The following NAV1 variants were observed in gnomAD, a reference collection of about 807,000 sequenced individuals.
NAV1 encodes neuron navigator 1, also known as pore membrane and/or filament interacting like protein 3.
Under a neutral mutation model 175.2 loss-of-function variants are expected in NAV1, and 18 were observed. The ratio of observed to expected loss-of-function variants is 0.10; its 90% CI spans 0.07 to 0.15. The LOEUF (loss-of-function observed/expected upper bound fraction) is 0.15. NAV1 is among the 10% of genes least tolerant of loss of function. The probability of loss-of-function intolerance (pLI) is 1.00; values close to 1 mark genes in which losing one functional copy is unlikely to be tolerated. For synonymous variants in NAV1, 897 were observed against 978.7 expected (o/e 0.92, Z 1.56); for missense variants, 1,731 against 2,436.6 (o/e 0.71, Z 6.10).
At chr1:201,756,119 A>AG (rs1403131834) in intron 3 of NAV1, among the ~76,000 whole-genome samples, 1 of 151,652 alleles carries the variant, frequency 6.6e-6, no homozygotes, top group East Asian at 1.9e-4. Context: ...AAAAAAAAAA[A>AG]AAAAAAAGTG....
At chr1:201,668,863 C>CA (rs1305474826) in intron 1 of NAV1, among the ~76,000 whole-genome samples, 1 of 152,186 alleles carries the variant, frequency 6.6e-6, no homozygotes, top group Non-Finnish European at 1.5e-5. Flanking sequence ...GCGTTGGGGT[C>CA]ACTCCTGCAG....
chr1:201,660,246 T>C (rs938375879), intron 1 of NAV1, among the ~76,000 whole-genome samples: 1 of 152,140 alleles, frequency 6.6e-6, no homozygotes, highest in African/African-American at 2.4e-5. Context: ...ACTGCCACAG[T>C]GGATGGCAGC....
chr1:201,808,495 C>G lies in NAV1; in HGVS notation c.3923C>G (p.Ser1308Trp). The G allele has an allele frequency of 6.2e-7, 1 of 1,614,228 alleles. No individual in the cohort carries two copies. The highest frequency in any genetic ancestry group is 8.5e-7 in the Non-Finnish European group (1 of 1,180,044). ...GAGGAGCCAGAGAAGAAGGAGGTAT[C>G]GGAGCTGCGCTCTGAGCTATGGGAG... Residue 1308 changes from serine (S) to tryptophan (W), a missense_variant, in exon 19 of 30, where the codon TCG becomes TGG. Ser to Trp is a radical substitution (Grantham distance 177). Transcript: ENST00000367296. This position sits in a 1 kb window ranked among gnomAD's most constrained non-coding sequence, Gnocchi z 5.5.
intron 3 of NAV1, among the ~76,000 whole-genome samples, chr1:201,745,594 T>C (rs1285337927): frequency 6.6e-6 from 1 of 152,138 alleles, no homozygotes; most frequent in South Asian, 2.1e-4. Context: ...TTCTGATGTG[T>C]GCATATGTTC....
At chr1:201,749,595 G>C (rs1325599277) in intron 3 of NAV1, among the ~76,000 whole-genome samples, 1 of 152,218 alleles carries the variant, frequency 6.6e-6, no homozygotes, top group East Asian at 1.9e-4. Context: ...GTTTATGCCA[G>C]TTGAACTTGG....
intron 1 of NAV1, among the ~76,000 whole-genome samples, chr1:201,565,413 C>G (rs1466941365): frequency 6.6e-6 from 1 of 152,228 alleles, no homozygotes; most frequent in Non-Finnish European, 1.5e-5. Context: ...GAGAAACTGA[C>G]CCTGCTCTTG....
intron 3 of NAV1, among the ~76,000 whole-genome samples, chr1:201,738,214 G>C (rs925085027): frequency 2.0e-5 from 3 of 152,008 alleles, no homozygotes; most frequent in Non-Finnish European, 4.4e-5. Context: ...ATAAAAATCT[G>C]TCTGCCCCCC....
intron 2 of NAV1, among the ~76,000 whole-genome samples, chr1:201,600,794 C>T (rs932054371): frequency 6.6e-6 from 1 of 152,164 alleles, no homozygotes; most frequent in Non-Finnish European, 1.5e-5. Context: ...CCGAAAAGCC[C>T]TCAAGATCAA....
chr1:201,583,485 T>C (rs145522716), intron 1 of NAV1, among the ~76,000 whole-genome samples: 257 of 152,364 alleles, frequency 1.7e-3, no homozygotes, highest in African/African-American at 5.9e-3. Flanking sequence ...AGGTTGGCAT[T>C]AACTCCTTCC....
chr1:201,804,215 G>T (rs756551246), intron 16 of NAV1: 23 of 547,864 alleles, frequency 4.2e-5, no homozygotes, highest in Non-Finnish European at 6.2e-5. Context: ...TGTACGTGTG[G>T]TTTTTTTCTC....
intron 20 of NAV1, 66 bp from the exon 25 acceptor site, chr1:201,809,095 AATG>A (rs1298967707): frequency 6.7e-7 from 1 of 1,490,080 alleles, no homozygotes; most frequent in Non-Finnish European, 9.3e-7. Context: ...TGGAAAGGAT[AATG>A]ATGGGAAAGT....
chr1:201,649,483 G>C (rs893030106), intron 1 of NAV1, 58 bp downstream of exon 5: 6 of 1,449,116 alleles, frequency 4.1e-6, no homozygotes, highest in Admixed American at 5.1e-5. Flanking sequence ...CAGCTGCTGG[G>C]GAAGGTGTGG....
intron 15 of NAV1, 55 bp downstream of exon 19, chr1:201,794,632 T>C: frequency 6.8e-7 from 1 of 1,467,904 alleles, no homozygotes; most frequent in East Asian, 2.3e-5. Context: ...AGTAAGAGTA[T>C]TACAGATTTT....
intron 17 of NAV1, among the ~76,000 whole-genome samples, chr1:201,805,483 A>G (rs1435369093): frequency 1.3e-5 from 2 of 152,180 alleles, no homozygotes; most frequent in Non-Finnish European, 2.9e-5. Flanking sequence ...AGGGAGATGG[A>G]GAAGGCCAGC....
intron 1 of NAV1, among the ~76,000 whole-genome samples, chr1:201,563,594 C>T (rs976481538): frequency 6.6e-6 from 1 of 152,106 alleles, no homozygotes; most frequent in Admixed American, 6.5e-5. Flanking sequence ...GATATGACCA[C>T]CTGGGGGCCC....
chr1:201,730,060 C>G (rs1045605021), intron 3 of NAV1, among the ~76,000 whole-genome samples: 3 of 152,148 alleles, frequency 2.0e-5, no homozygotes, highest in African/African-American at 7.2e-5. Flanking sequence ...GTCCAGTTGC[C>G]CACCCATCTT....
intron 1 of NAV1, among the ~76,000 whole-genome samples, chr1:201,584,609 A>G (rs750064444): frequency 5.3e-5 from 8 of 152,168 alleles, no homozygotes; most frequent in Non-Finnish European, 1.0e-4. Context: ...CCAGCTTGTG[A>G]TGTGCCTGTG....
chr1:201,630,248 C>T (rs1198092297), intron 2 of NAV1, among the ~76,000 whole-genome samples: 6 of 152,210 alleles, frequency 3.9e-5, no homozygotes, highest in African/African-American at 1.2e-4. Context: ...GGCTATGATT[C>T]ACACCAGGGG....
At chr1:201,561,305 C>T (rs973559900) in intron 1 of NAV1, among the ~76,000 whole-genome samples, 1 of 152,280 alleles carries the variant, frequency 6.6e-6, no homozygotes, top group East Asian at 1.9e-4. Flanking sequence ...CAACAGGAAA[C>T]AAGAACTAGC....
Sources: allele counts gnomAD v4.1 joint callset (sites outside exome capture counted in the v4.1 genomes callset), GRCh38; gene constraint gnomAD v4.1.1; non-coding constraint Gnocchi (gnomAD v3.1); transcripts MANE v1.5; gene names NCBI Gene and HGNC (gene_info 2026-07-23, HGNC 2026-07-21).